The following PRKCH variants were observed in gnomAD, a reference collection of about 807,000 sequenced individuals.
PRKCH encodes the protein protein kinase C eta type.
A neutral mutation model predicts 82.5 loss-of-function variants in PRKCH; 28 were observed. That is an observed-to-expected ratio of 0.34 (90% CI 0.25 to 0.47). The LOEUF is 0.47. PRKCH is among the 20% of genes least tolerant of loss of function. The pLI, the probability that PRKCH is intolerant of heterozygous loss-of-function variation, is 1.00. For synonymous variants in PRKCH, 322 were observed against 327.4 expected (o/e 0.98, Z 0.18); for missense variants, 705 against 881.8 (o/e 0.80, Z 2.54).
At chr14:61,357,990 T>A (rs1210338789) in intron 1 of PRKCH, among the ~76,000 whole-genome samples, 1 of 152,160 alleles carries the variant, frequency 6.6e-6, no homozygotes, top group Non-Finnish European at 1.5e-5. Flanking sequence ...AAAGCCTCCT[T>A]AAATTTTCCA....
At chr14:61,473,919 G>T (rs895275114) in intron 9 of PRKCH, among the ~76,000 whole-genome samples, 1 of 151,958 alleles carries the variant, frequency 6.6e-6, no homozygotes, top group Non-Finnish European at 1.5e-5. Context: ...GCTTGCACCC[G>T]GGAGGCAAAG....
intron 10 of PRKCH, among the ~76,000 whole-genome samples, chr14:61,512,335 A>G (rs1385731351): frequency 6.6e-6 from 1 of 150,724 alleles, no homozygotes; most frequent in East Asian, 2.0e-4. Flanking sequence ...GAGAAAATCC[A>G]GGAAAATCCA....
chr14:61,192,262 T>A (rs2044411520), intron 1 of PRKCH, among the ~76,000 whole-genome samples: 1 of 152,218 alleles, frequency 6.6e-6, no homozygotes, highest in Non-Finnish European at 1.5e-5. Flanking sequence ...CCAGACTAGA[T>A]TAATTTTCCT....
intron 2 of PRKCH, among the ~76,000 whole-genome samples, chr14:61,413,418 C>CCCCCCCCCACCCCCG (rs1226453137): frequency 9.5e-6 from 1 of 105,670 alleles, no homozygotes. Context: ...CCCCCCGCCC[C>CCCCCCCCCACCCCCG]GCCCATGTAC....
chr14:61,499,719 G>C (rs947726780), intron 10 of PRKCH, among the ~76,000 whole-genome samples: 1 of 151,558 alleles, frequency 6.6e-6, no homozygotes, highest in South Asian at 2.1e-4. Flanking sequence ...AACATCTGCC[G>C]AGCAGTCATT....
chr14:61,238,433 T>C lies in PRKCH; in HGVS notation c.-19+50765T>C, dbSNP rs532671434. ...TTTTCTCATTATAATCTTTGCCTCC[T>C]AACTTTTCATATTTCTCCAAACTAG... On this transcript the variant is annotated intron_variant, in intron 1 of 3. Transcript: ENST00000555185. 7.2e-5 allele frequency among the ~76,000 whole-genome samples: 11 copies of C among 152,340 alleles called. No individual in the cohort carries two copies. The East Asian group carries it at 1.9e-3, about 27-fold the overall frequency.
chr14:61,311,890 G>A (rs777202445), intron 1 of PRKCH, among the ~76,000 whole-genome samples: 3 of 152,190 alleles, frequency 2.0e-5, no homozygotes, highest in Non-Finnish European at 4.4e-5. Context: ...ATGGCAGCAG[G>A]TGAGAGAGTG....
chr14:61,538,691 C>T (rs1268634150), intron 12 of PRKCH, among the ~76,000 whole-genome samples: 2 of 152,178 alleles, frequency 1.3e-5, no homozygotes, highest in African/African-American at 4.8e-5. Context: ...GTCTGTGGGT[C>T]AGAAAAGCTT....
chr14:61,506,842 T>G lies in PRKCH; in HGVS notation c.1433+21186T>G, dbSNP rs546317302. On this transcript the variant is annotated intron_variant, in intron 10 of 13. Transcript: ENST00000332981. ...AATGGAATGACCACAGACTGTTTTC[T>G]TTGAAGGTGAATGCACATGTCTAAG... 4.6e-5 allele frequency among the ~76,000 whole-genome samples: 7 copies of G among 152,282 alleles called. No individual in the cohort carries two copies. In the South Asian group the frequency reaches 1.5e-3, roughly 32 times the overall value.
chr14:61,221,810 T>C (rs1253892139), intron 1 of PRKCH, among the ~76,000 whole-genome samples: 2 of 152,128 alleles, frequency 1.3e-5, no homozygotes, highest in African/African-American at 2.4e-5. Context: ...TCCTCTTCCT[T>C]CCTGCTGCAG....
chr14:61,337,620 C>T (rs762950037), intron 1 of PRKCH, among the ~76,000 whole-genome samples: 3 of 152,122 alleles, frequency 2.0e-5, no homozygotes, highest in Non-Finnish European at 2.9e-5. Flanking sequence ...GAGGTAGGGT[C>T]TCACTATGTT....
At chr14:61,447,298 TG>T (rs1884273553) in intron 4 of PRKCH, among the ~76,000 whole-genome samples, 1 of 152,208 alleles carries the variant, frequency 6.6e-6, no homozygotes, top group South Asian at 2.1e-4. Flanking sequence ...TCAAAATACA[TG>T]GGACAAACTG....
At chr14:61,233,115 T>G (rs192545222) in intron 1 of PRKCH, among the ~76,000 whole-genome samples, 2 of 152,332 alleles carry the variant, frequency 1.3e-5, no homozygotes, top group African/African-American at 2.4e-5. Flanking sequence ...CCATATGGTA[T>G]GAATATGTCT....
intron 1 of PRKCH, among the ~76,000 whole-genome samples, chr14:61,204,109 T>G (rs2044504405): frequency 6.6e-6 from 1 of 152,072 alleles, no homozygotes; most frequent in Non-Finnish European, 1.5e-5. Flanking sequence ...TCCTTAAGTT[T>G]CCTCCCTTGG....
At chr14:61,295,129 G>A (rs754522903) in intron 1 of PRKCH, among the ~76,000 whole-genome samples, 4 of 152,184 alleles carry the variant, frequency 2.6e-5, no homozygotes, top group Non-Finnish European at 5.9e-5. Flanking sequence ...ACCTCCCAAA[G>A]TGTTGTGATT....
In PRKCH at chr14:61,439,468, C is replaced by T. The variant is rs117066413; in HGVS notation, c.428-3643C>T. 5.2e-3 allele frequency among the ~76,000 whole-genome samples: 795 copies of T among 152,300 alleles called. 2 individuals carry two copies. Among genetic ancestry groups the T allele is most frequent in the Non-Finnish European group, 9.1e-3 (618 of 68,032 alleles). ...GTGTATGTTTGTTTTCTAAACGAAG[C>T]ACACGTGCAAAATAATGTAAAAGGG... On this transcript the variant is annotated intron_variant, in intron 2 of 13. Coordinates refer to ENST00000332981, the MANE Select transcript of PRKCH (RefSeq NM_006255.5).
rs751813630 is a variant in PRKCH at position 61,457,332 on chromosome 14, T to C, written c.1104+13T>C. ...GAGTTTTGGGAAGGTGAGTCTTGGC[T>C]TTAACTGTTTGGGTTGAAGTAAGTG... On this transcript the variant is annotated intron_variant, in intron 8 of 13. Coordinates refer to ENST00000332981, the MANE Select transcript of PRKCH (RefSeq NM_006255.5). The C allele has an allele frequency of 1.4e-5, 22 of 1,613,548 alleles. No individual in the cohort carries two copies. The highest frequency in any genetic ancestry group is 1.8e-5 in the Non-Finnish European group (21 of 1,179,638).
intron 1 of PRKCH, among the ~76,000 whole-genome samples, chr14:61,252,031 G>T (rs1026994480): frequency 2.6e-5 from 4 of 152,180 alleles, no homozygotes; most frequent in Middle Eastern, 6.8e-3. Context: ...GTAGAGACAG[G>T]GTTTCACCAT....
At chr14:61,223,864 C>A (rs948934473) in intron 1 of PRKCH, among the ~76,000 whole-genome samples, 22 of 152,204 alleles carry the variant, frequency 1.4e-4, no homozygotes, top group African/African-American at 5.3e-4. Context: ...ACTTCATTTG[C>A]AACTGGCAAC....
Sources: gnomAD v4.1 joint callset for allele counts (sites outside exome capture counted in the v4.1 genomes callset) on GRCh38, gnomAD v4.1.1 for gene constraint, MANE v1.5 for transcripts, NCBI Gene and HGNC (gene_info 2026-07-23, HGNC 2026-07-21) for gene names.